RALGAPA2: variants seen among roughly 807,000 people sequenced by gnomAD.
RALGAPA2 encodes ral GTPase-activating protein subunit alpha-2.
A neutral mutation model predicts 230.4 loss-of-function variants in RALGAPA2; 139 were observed. The ratio of observed to expected loss-of-function variants is 0.60; its 90% CI spans 0.53 to 0.69. The LOEUF (loss-of-function observed/expected upper bound fraction) is 0.69. Among genes scored for constraint, RALGAPA2 ranks in the 30% least tolerant of loss-of-function variants. The pLI is 0.00. For synonymous variants in RALGAPA2, 847 were observed against 837.8 expected, an observed-to-expected ratio of 1.01 and a Z score of -0.19; for missense variants, 2,163 against 2,276.0, an observed-to-expected ratio of 0.95 and a Z score of 1.01.
chr20:20,401,308 C>A (rs1189362322), intron 38 of RALGAPA2, among the ~76,000 whole-genome samples: 3 of 152,052 alleles, frequency 2.0e-5, no homozygotes, highest in Non-Finnish European at 4.4e-5. Context: ...GAAGAAAAAT[C>A]CCCTGGGGCA....
At chr20:20,504,496 G>A (rs1048267343) in intron 34 of RALGAPA2, among the ~76,000 whole-genome samples, 21 of 152,180 alleles carry the variant, frequency 1.4e-4, no homozygotes, top group African/African-American at 5.1e-4. Flanking sequence ...GGCCGAGGCA[G>A]GTGAATCACG....
chr20:20,421,562 C>T (rs1846202833), intron 37 of RALGAPA2, among the ~76,000 whole-genome samples: 2 of 152,126 alleles, frequency 1.3e-5, no homozygotes, highest in African/African-American at 4.8e-5. Context: ...CCCAGCTACT[C>T]GGGAGGCTGA....
chr20:20,707,839 G>T (rs1055777275), intron 1 of RALGAPA2, among the ~76,000 whole-genome samples: 3 of 151,830 alleles, frequency 2.0e-5, no homozygotes, highest in African/African-American at 7.3e-5. Context: ...ACATCCTCTG[G>T]GCAAGGGTCC....
chr20:20,616,210 A>G lies in RALGAPA2; in HGVS notation c.1540-19T>C, dbSNP rs1441947700. 2 of 1,462,438 alleles carry G rather than the reference A, an allele frequency of 1.4e-6. No homozygotes were observed. Among genetic ancestry groups the G allele is most frequent in the Non-Finnish European group, 1.8e-6 (2 of 1,096,328 alleles). The allele number at this position is 1,462,438 out of a possible 1,614,324, so 90.6% of individuals were successfully genotyped here. On this transcript the variant is annotated intron_variant, in intron 12 of 39. Transcript: ENST00000202677. ...AAAATACCTTAAAATCAACAACTTT[A>G]CATTAGAAAATATAACTGAACATAA...
chr20:20,424,226 A>G (rs986481523), intron 37 of RALGAPA2, among the ~76,000 whole-genome samples: 2 of 152,172 alleles, frequency 1.3e-5, no homozygotes, highest in African/African-American at 4.8e-5. Flanking sequence ...ATCTTCTCCA[A>G]TTCTCCCAGT....
chr20:20,532,241 T>C (rs1381843860), intron 26 of RALGAPA2, among the ~76,000 whole-genome samples: 1 of 152,358 alleles, frequency 6.6e-6, no homozygotes, highest in East Asian at 1.9e-4. Context: ...CTATATTTTA[T>C]TTTAAAGTAT....
At chr20:20,531,640 C>T in intron 27 of RALGAPA2, 47 bp downstream of exon 27, 3 of 1,405,822 alleles carry the variant, frequency 2.1e-6, no homozygotes, top group Non-Finnish European at 3.0e-6. Flanking sequence ...CTGTTAAATG[C>T]CTCAGATATG....
intron 37 of RALGAPA2, among the ~76,000 whole-genome samples, chr20:20,464,902 T>C (rs1367808057): frequency 6.6e-6 from 1 of 152,118 alleles, no homozygotes; most frequent in African/African-American, 2.4e-5. Flanking sequence ...TCAGGTGCTA[T>C]TTTAAGTGTT....
Position 20,637,461 on chromosome 20 carries a change from G to A in RALGAPA2, c.707C>T (p.Thr236Ile), listed in dbSNP as rs375057883. 3.4e-5 allele frequency: 53 copies of A among 1,571,450 alleles called. No individual in the cohort carries two copies. Among genetic ancestry groups the A allele is most frequent in the Non-Finnish European group, 3.7e-5 (43 of 1,156,298 alleles). Residue 236 changes from threonine (T) to isoleucine (I), a missense_variant, in exon 8 of 40, where the codon ACT becomes ATT. By Grantham distance (89) the Thr-to-Ile change is moderately conservative. Transcript: ENST00000202677. ...CAATGTAAAAAGAAATTTAAAACCA[G>A]TATCTTGATTCTCCTTATTCTTCCA... ...LEWKNKENQD[T>I]GFKFLFTLFR...
Position 20,508,987 on chromosome 20 carries a change from T to C in RALGAPA2, c.4928+2267A>G, listed in dbSNP as rs367808439. Among the ~76,000 whole-genome samples the C allele has an allele frequency of 7.9e-5, 12 of 152,294 alleles. No individual in the cohort carries two copies. The East Asian group carries it at 1.5e-3, about 20-fold the overall frequency. On this transcript the variant is annotated intron_variant, in intron 33 of 39. Coordinates refer to ENST00000202677, the MANE Select transcript of RALGAPA2 (RefSeq NM_020343.4). ...TTGTACCTCATGCAACTAAAGTGCATTAACGCTCAACAAATTGACCGCAAT... is the reference window on the plus strand; with the variant it reads ...TTGTACCTCATGCAACTAAAGTGCACTAACGCTCAACAAATTGACCGCAAT...
intron 37 of RALGAPA2, among the ~76,000 whole-genome samples, chr20:20,470,451 T>C (rs2061513305): frequency 6.6e-6 from 1 of 152,204 alleles, no homozygotes; most frequent in African/African-American, 2.4e-5. Context: ...GTTGTCATCT[T>C]AGCACAGCAT....
chr20:20,389,894 A>G lies in RALGAPA2; in HGVS notation c.*3395T>C, dbSNP rs1245298330. ...GACACGCTATAACTTAATTTACCAT[A>G]TTTATCAAATTTTTTCCTTATTTAC... On this transcript the variant is annotated 3_prime_UTR_variant, in exon 40 of 40. Coordinates refer to ENST00000202677, the MANE Select transcript of RALGAPA2 (RefSeq NM_020343.4). 6.6e-6 allele frequency: 1 copy of G among 152,142 alleles called. No homozygotes were observed. The highest frequency in any genetic ancestry group is 2.4e-5 in the African/African-American group (1 of 41,426). 9.4% of individuals were successfully genotyped at this position (152,142 alleles called of 1,614,324 possible).
In RALGAPA2 at chr20:20,653,550, C is replaced by A; in HGVS notation, c.308G>T (p.Arg103Leu). 1.3e-6 allele frequency: 2 copies of A among 1,498,528 alleles called. No homozygotes were observed. Among genetic ancestry groups the A allele is most frequent in the Non-Finnish European group, 1.8e-6 (2 of 1,103,718 alleles). 92.8% of individuals were successfully genotyped at this position (1,498,528 alleles called of 1,614,324 possible). A position where few individuals can be genotyped will look rare whatever the true frequency, so the allele number is the denominator to read the frequency against. The change falls in exon 4 of 40, where the codon CGA (arginine) becomes CTA (leucine). Residue 103 changes from arginine (R) to leucine (L), a missense_variant. Arg to Leu is a moderately radical substitution (Grantham distance 102). Transcript: ENST00000202677. ...LQFLPERIFF[R>L]WHYQSIGSTL... ...CTTACCTATACTCTGGTAATGCCAT[C>A]GAAAGAAAATTCGTTCAGGTAGAAA...
chr20:20,568,293 G>GTTAC (rs1412775583), intron 23 of RALGAPA2, among the ~76,000 whole-genome samples: 1 of 152,162 alleles, frequency 6.6e-6, no homozygotes, highest in Non-Finnish European at 1.5e-5. Context: ...ACGAACCCAT[G>GTTAC]TTACATATGT....
chr20:20,695,561 C>T (rs963887523), intron 1 of RALGAPA2, among the ~76,000 whole-genome samples: 1 of 152,190 alleles, frequency 6.6e-6, no homozygotes, highest in Non-Finnish European at 1.5e-5. Context: ...AGAACAGAAG[C>T]TTCTTCATAG....
chr20:20,686,935 TGTTCA>T (rs2068724046), intron 1 of RALGAPA2, among the ~76,000 whole-genome samples: 1 of 152,162 alleles, frequency 6.6e-6, no homozygotes, highest in Admixed American at 6.5e-5. Flanking sequence ...AAGGAGCTCG[TGTTCA>T]GTTCTCCTCT....
intron 36 of RALGAPA2, among the ~76,000 whole-genome samples, chr20:20,477,201 T>C (rs1000411947): frequency 6.6e-6 from 1 of 152,190 alleles, no homozygotes; most frequent in Non-Finnish European, 1.5e-5. Flanking sequence ...TTGTGTCCTT[T>C]TCAATATTAA....
At chr20:20,503,119 T>C (rs747435174) in intron 35 of RALGAPA2, among the ~76,000 whole-genome samples, 4 of 152,176 alleles carry the variant, frequency 2.6e-5, no homozygotes, top group Non-Finnish European at 5.9e-5. Context: ...TTTGTAACCT[T>C]TGACAATCTG....
chr20:20,681,747 T>C (rs768747007), intron 1 of RALGAPA2, among the ~76,000 whole-genome samples: 2 of 152,158 alleles, frequency 1.3e-5, no homozygotes, highest in Admixed American at 6.5e-5. Context: ...TCCCAGCTAC[T>C]TGGGAAGCTG....
Sources: gnomAD v4.1 joint callset for allele counts (sites outside exome capture counted in the v4.1 genomes callset) on GRCh38, gnomAD v4.1.1 for gene constraint, MANE v1.5 for transcripts, NCBI Gene and HGNC (gene_info 2026-07-23, HGNC 2026-07-21) for gene names.